ADGRL2: variants seen among roughly 807,000 people sequenced by gnomAD.
ADGRL2 encodes the protein calcium-independent alpha-latrotoxin receptor 2.
ADGRL2 carries 44 observed loss-of-function variants against 157.4 expected under a neutral mutation model. The ratio of observed to expected loss-of-function variants is 0.28; its 90% CI spans 0.22 to 0.36. The LOEUF (loss-of-function observed/expected upper bound fraction) is 0.36, where lower values mean the gene tolerates loss of function less well. Among genes scored for constraint, ADGRL2 ranks in the 10% least tolerant of loss-of-function variants. The pLI, the probability that ADGRL2 is intolerant of heterozygous loss-of-function variation, is 1.00. For synonymous variants in ADGRL2, 585 were observed against 624.7 expected (o/e 0.94, Z 0.95); for missense variants, 1,510 against 1,768.9 (o/e 0.85, Z 2.63).
intron 3 of ADGRL2, among the ~76,000 whole-genome samples, chr1:81,929,332 G>A (rs1054741086): frequency 5.3e-5 from 8 of 152,154 alleles, no homozygotes; most frequent in African/African-American, 1.9e-4. Context: ...CATCGGTGAC[G>A]GGGAACGATG....
At chr1:81,385,192 G>A (rs1167008010) in intron 1 of ADGRL2, among the ~76,000 whole-genome samples, 10 of 152,098 alleles carry the variant, frequency 6.6e-5, no homozygotes, top group Non-Finnish European at 1.0e-4. Context: ...ACATAAAAGT[G>A]ATGATCCTAT....
At chr1:81,901,740 C>T (rs998415973) in intron 2 of ADGRL2, among the ~76,000 whole-genome samples, 2 of 151,934 alleles carry the variant, frequency 1.3e-5, no homozygotes, top group African/African-American at 4.8e-5. Flanking sequence ...ATACTAATTG[C>T]AATAATTTTA....
intron 17 of ADGRL2, among the ~76,000 whole-genome samples, chr1:81,979,178 T>C (rs563211540): frequency 2.0e-5 from 3 of 151,742 alleles, no homozygotes; most frequent in Non-Finnish European, 4.4e-5. Context: ...ATCTTCCTCA[T>C]TTTGCTTTTG....
At chr1:81,591,679 A>C (rs188653993) in intron 3 of ADGRL2, among the ~76,000 whole-genome samples, 3 of 152,144 alleles carry the variant, frequency 2.0e-5, no homozygotes, top group Non-Finnish European at 4.4e-5. Context: ...CATCACTTCC[A>C]TTATTAAGCT....
chr1:81,824,107 A>G (rs901957398), intron 1 of ADGRL2, among the ~76,000 whole-genome samples: 6 of 152,254 alleles, frequency 3.9e-5, no homozygotes, highest in Non-Finnish European at 8.8e-5. Flanking sequence ...TCGTGACATT[A>G]CTTGTGCATT....
At chr1:81,958,409 G>A (rs1288258000) in intron 11 of ADGRL2, among the ~76,000 whole-genome samples, 1 of 151,988 alleles carries the variant, frequency 6.6e-6, no homozygotes, top group Non-Finnish European at 1.5e-5. Flanking sequence ...TCTCTTTTCA[G>A]ACATGAGGAC....
intron 1 of ADGRL2, among the ~76,000 whole-genome samples, chr1:81,348,542 A>G (rs1331550482): frequency 1.3e-5 from 2 of 152,170 alleles, no homozygotes; most frequent in East Asian, 1.9e-4. Flanking sequence ...GAACTTGGCT[A>G]AAAGTAAACA....
At chr1:81,459,762 CCTG>C (rs545450579) in intron 2 of ADGRL2, among the ~76,000 whole-genome samples, 11 of 148,844 alleles carry the variant, frequency 7.4e-5, no homozygotes, top group South Asian at 6.4e-4. Context: ...ATATATATAT[CCTG>C]CTTAGTGTGT....
chr1:81,971,112 A>G (rs940914926), intron 16 of ADGRL2, among the ~76,000 whole-genome samples: 4 of 152,216 alleles, frequency 2.6e-5, no homozygotes, highest in African/African-American at 4.8e-5. Flanking sequence ...TGCTAGAGGC[A>G]TGAATTTGCC....
chr1:81,650,361 A>G (rs2148835619), intron 3 of ADGRL2, among the ~76,000 whole-genome samples: 1 of 151,712 alleles, frequency 6.6e-6, no homozygotes, highest in Non-Finnish European at 1.5e-5. Flanking sequence ...CACAAGGTCA[A>G]GAGATCGAGA....
chr1:81,942,668 G>T lies in ADGRL2; in HGVS notation c.410-301G>T. The stretch of plus-strand genomic sequence containing the variant: ...CAAAAGCTCAAACTTTTAAAACATG[G>T]GTTAACAGATTATAAGATGAAAACA... On this transcript the variant is annotated intron_variant, in intron 5 of 23. Coordinates refer to ENST00000686636, the MANE Select transcript of ADGRL2 (RefSeq NM_001366006.2). 5.1e-6 allele frequency: 2 copies of T among 393,104 alleles called. 1 individual carries two copies. Among genetic ancestry groups the T allele is most frequent in the South Asian group, 5.1e-5 (2 of 39,160 alleles). The allele number at this position is 393,104 out of a possible 1,614,324, so 24.4% of individuals were successfully genotyped here.
At chr1:81,499,413 C>T (rs1253516017) in intron 2 of ADGRL2, among the ~76,000 whole-genome samples, 2 of 152,184 alleles carry the variant, frequency 1.3e-5, no homozygotes, top group African/African-American at 4.8e-5. Context: ...AAGTTATTGG[C>T]CTGAGTGATG....
chr1:81,763,403 G>A (rs1414218470), intron 2 of ADGRL2, among the ~76,000 whole-genome samples: 4 of 151,696 alleles, frequency 2.6e-5, no homozygotes, highest in Non-Finnish European at 4.4e-5. Context: ...TGGTCAACAT[G>A]GTGAAACCCC....
intron 1 of ADGRL2, among the ~76,000 whole-genome samples, chr1:81,422,745 T>C (rs2077147952): frequency 1.3e-5 from 2 of 152,206 alleles, no homozygotes; most frequent in Admixed American, 6.5e-5. Flanking sequence ...ATCAATATAC[T>C]GAAAATAATA....
intron 1 of ADGRL2, among the ~76,000 whole-genome samples, chr1:81,826,385 TATAA>T (rs751810577): frequency 1.3e-5 from 2 of 152,240 alleles, no homozygotes; most frequent in African/African-American, 2.4e-5. Context: ...CATATGACTA[TATAA>T]AACATTATTA....
intron 3 of ADGRL2, among the ~76,000 whole-genome samples, chr1:81,603,502 C>T (rs1027196912): frequency 9.9e-5 from 15 of 152,110 alleles, no homozygotes; most frequent in Non-Finnish European, 1.8e-4. Flanking sequence ...ATGTCAATGC[C>T]CAGGCTGACC....
chr1:81,540,245 G>A (rs981792372), intron 2 of ADGRL2, among the ~76,000 whole-genome samples: 2 of 152,104 alleles, frequency 1.3e-5, no homozygotes, highest in Admixed American at 1.3e-4. Context: ...GTAGGTGATT[G>A]ATTTTTCAGA....
At chr1:81,781,741 T>G (rs572227144) in intron 2 of ADGRL2, among the ~76,000 whole-genome samples, 1 of 152,292 alleles carries the variant, frequency 6.6e-6, no homozygotes, top group South Asian at 2.1e-4. Flanking sequence ...TATCTTGGCT[T>G]GATTTTTCTT....
chr1:81,529,599 C>A (rs1051064822), intron 2 of ADGRL2, among the ~76,000 whole-genome samples: 1 of 152,190 alleles, frequency 6.6e-6, no homozygotes, highest in Non-Finnish European at 1.5e-5. Flanking sequence ...AAAATGCTGG[C>A]ATTATTTTTT....
Sources: allele counts gnomAD v4.1 joint callset (sites outside exome capture counted in the v4.1 genomes callset), GRCh38; gene constraint gnomAD v4.1.1; transcripts MANE v1.5; gene names NCBI Gene and HGNC (gene_info 2026-07-23, HGNC 2026-07-21).